FGF14: variants seen among roughly 807,000 people sequenced by gnomAD.
The protein encoded by FGF14 is fibroblast growth factor 14, also known as fibroblast growth factor homologous factor 4.
In FGF14, 5 loss-of-function variants were observed where a neutral mutation model predicts 25.5. The observed-to-expected ratio is 0.20, with a 90% CI of 0.10 to 0.41. The LOEUF (loss-of-function observed/expected upper bound fraction) is 0.41, where lower values mean the gene tolerates loss of function less well. Among genes scored for constraint, FGF14 ranks in the 10% least tolerant of loss-of-function variants. FGF14 has a pLI of 1.00. For synonymous variants in FGF14, 138 were observed against 118.3 expected (o/e 1.17, Z -1.08); for missense variants, 222 against 320.1 (o/e 0.69, Z 2.34).
intron 3 of FGF14, among the ~76,000 whole-genome samples, chr13:101,761,782 T>A (rs2038046030): frequency 6.6e-6 from 1 of 152,174 alleles, no homozygotes; most frequent in Admixed American, 6.5e-5. Context: ...AACATTACAA[T>A]TTATCAAGAA....
At chr13:101,830,229 G>GTCA (rs2042601920) in intron 3 of FGF14, among the ~76,000 whole-genome samples, 1 of 152,082 alleles carries the variant, frequency 6.6e-6, no homozygotes, top group Admixed American at 6.6e-5. Context: ...TTTTCTCCAC[G>GTCA]TCATCATCAT....
At chr13:101,729,551 G>T (rs936959333) in intron 3 of FGF14, among the ~76,000 whole-genome samples, 22 of 152,118 alleles carry the variant, frequency 1.4e-4, no homozygotes, top group African/African-American at 5.1e-4. Context: ...ATCTCTCTGG[G>T]CTTCAGTTTC....
In FGF14 at chr13:102,161,570, A is replaced by AAGAAGAAAAGAAGAAGAAAGAAG; in HGVS notation, c.208+239900_208+239901insCTTCTTTCTTCTTCTTTTCTTCT. Among the ~76,000 whole-genome samples, 41 of 5,648 alleles carry AAGAAGAAAAGAAGAAGAAAGAAG rather than the reference A, an allele frequency of 7.3e-3. 2 individuals carry two copies. The highest frequency in any genetic ancestry group is 0.012 in the African/African-American group (4 of 334). The allele number at this position is 5,648 out of a possible 152,430, so 3.7% of individuals were successfully genotyped here. ...TCTATGCAACCAACTTTCTGTGAAG[A>AAGAAGAAAAGAAGAAGAAAGAAG]AAGAAAGAAGAAGAAGAAGAAGAAG... On this transcript the variant is annotated intron_variant, in intron 1 of 4. Coordinates refer to the FGF14 transcript ENST00000376131.
chr13:102,097,967 A>C (rs2044480816), intron 1 of FGF14, among the ~76,000 whole-genome samples: 1 of 152,208 alleles, frequency 6.6e-6, no homozygotes, highest in South Asian at 2.1e-4. Flanking sequence ...CCTCAGCCCA[A>C]GTCTGGAGAC....
At chr13:101,792,177 A>G (rs1013003402) in intron 3 of FGF14, among the ~76,000 whole-genome samples, 8 of 152,158 alleles carry the variant, frequency 5.3e-5, no homozygotes, top group African/African-American at 1.9e-4. Flanking sequence ...AAGAAAAACA[A>G]AATTGGCAAG....
intron 1 of FGF14, among the ~76,000 whole-genome samples, chr13:102,004,715 C>T (rs2039688476): frequency 6.6e-6 from 1 of 152,146 alleles, no homozygotes; most frequent in Non-Finnish European, 1.5e-5. Context: ...CCCATAATCC[C>T]CACAGGTCAT....
intron 1 of FGF14, among the ~76,000 whole-genome samples, chr13:101,965,552 C>G (rs567137663): frequency 1.1e-4 from 17 of 152,070 alleles, no homozygotes; most frequent in Admixed American, 4.6e-4. Flanking sequence ...GAGGCTCTGC[C>G]TTTAAGTCTT....
intron 1 of FGF14, among the ~76,000 whole-genome samples, chr13:102,061,607 G>A (rs982203846): frequency 6.6e-6 from 1 of 152,222 alleles, no homozygotes; most frequent in Non-Finnish European, 1.5e-5. Flanking sequence ...ATGGCAGACT[G>A]TATTTCCCAA....
At chr13:102,161,627 A>G (rs866027775) in intron 1 of FGF14, among the ~76,000 whole-genome samples, 740 of 20,192 alleles carry the variant, frequency 0.037, 21 homozygotes, top group Non-Finnish European at 0.043. Flanking sequence ...AAGAAGAAGA[A>G]GAAGAAGAAG....
chr13:102,155,098 G>A (rs1253824140), intron 1 of FGF14, among the ~76,000 whole-genome samples: 1 of 152,166 alleles, frequency 6.6e-6, no homozygotes, highest in Non-Finnish European at 1.5e-5. Context: ...ACATTAGACA[G>A]ATCAATGAGA....
At chr13:101,990,297 T>C (rs555638292) in intron 1 of FGF14, among the ~76,000 whole-genome samples, 82 of 152,226 alleles carry the variant, frequency 5.4e-4, no homozygotes, top group African/African-American at 1.9e-3. Context: ...TACAGATTTA[T>C]TGGGTTTTCA....
At chr13:102,047,794 T>C (rs1027912972) in intron 1 of FGF14, among the ~76,000 whole-genome samples, 7 of 152,076 alleles carry the variant, frequency 4.6e-5, no homozygotes, top group Admixed American at 3.9e-4. Context: ...CAAACCTGCA[T>C]GTTGTGCACA....
At chr13:102,370,811 T>C (rs1178311134) in intron 1 of FGF14, among the ~76,000 whole-genome samples, 1 of 152,094 alleles carries the variant, frequency 6.6e-6, no homozygotes, top group African/African-American at 2.4e-5. Context: ...CAAGAATGTA[T>C]TGAGTACTGT....
intron 1 of FGF14, among the ~76,000 whole-genome samples, chr13:101,987,645 T>G (rs375589888): frequency 4.0e-4 from 61 of 152,310 alleles, no homozygotes; most frequent in African/African-American, 1.3e-3. Flanking sequence ...CATAATTTCA[T>G]TTGCTTTTGT....
chr13:102,250,946 A>T (rs1174841185), intron 1 of FGF14, among the ~76,000 whole-genome samples: 1 of 152,198 alleles, frequency 6.6e-6, no homozygotes, highest in African/African-American at 2.4e-5. Context: ...TTGCTTAGCT[A>T]ACCTCATTGA....
intron 1 of FGF14, among the ~76,000 whole-genome samples, chr13:102,236,598 C>A (rs190449136): frequency 1.3e-5 from 2 of 152,246 alleles, no homozygotes; most frequent in African/African-American, 4.8e-5. Flanking sequence ...GAAAGAAGAG[C>A]CTGATCTCGG....
intron 1 of FGF14, among the ~76,000 whole-genome samples, chr13:102,353,634 T>C (rs1359832461): frequency 1.3e-5 from 2 of 152,206 alleles, no homozygotes; most frequent in Non-Finnish European, 2.9e-5. Flanking sequence ...CTCTGCCTTC[T>C]TGCAAAGTAG....
chr13:102,204,116 T>G (rs2049796757), intron 1 of FGF14, among the ~76,000 whole-genome samples: 1 of 152,188 alleles, frequency 6.6e-6, no homozygotes, highest in African/African-American at 2.4e-5. Flanking sequence ...AATTGTGATT[T>G]GACTCAGCTT....
chr13:101,912,357 C>T (rs2033035536), intron 1 of FGF14, among the ~76,000 whole-genome samples: 1 of 152,062 alleles, frequency 6.6e-6, no homozygotes, highest in South Asian at 2.1e-4. Context: ...AAAAGTAAAT[C>T]TCAAGAAACA....
Sources: gnomAD v4.1 joint callset for allele counts (sites outside exome capture counted in the v4.1 genomes callset) on GRCh38, gnomAD v4.1.1 for gene constraint, MANE v1.5 for transcripts, NCBI Gene and HGNC (gene_info 2026-07-23, HGNC 2026-07-21) for gene names.